The following DMTN variants were observed in gnomAD, a reference collection of about 807,000 sequenced individuals.
DMTN encodes the protein dematin actin binding protein, also known as dematin.
DMTN carries 27 observed loss-of-function variants against 59.4 expected under a neutral mutation model. That is an observed-to-expected ratio of 0.45 (90% CI 0.33 to 0.63). The LOEUF (loss-of-function observed/expected upper bound fraction) is 0.63. Among genes scored for constraint, DMTN ranks in the 20% least tolerant of loss-of-function variants. DMTN has a pLI of 0.02. For synonymous variants in DMTN, 221 were observed against 203.7 expected, an observed-to-expected ratio of 1.08 and a Z score of -0.72; for missense variants, 451 against 528.9, an observed-to-expected ratio of 0.85 and a Z score of 1.45.
chr8:22,077,923 T>C (rs4871932), intron 10 of DMTN, among the ~76,000 whole-genome samples: 18,263 of 152,186 alleles, frequency 0.12, 1,211 homozygotes, highest in Admixed American at 0.15. Context: ...GTTGAATAAA[T>C]GTGTACTTAT....
intron 8 of DMTN, among the ~76,000 whole-genome samples, chr8:22,071,709 A>T (rs1394016346): frequency 6.6e-6 from 1 of 151,900 alleles, no homozygotes; most frequent in African/African-American, 2.4e-5. Context: ...CCTCCTGAGT[A>T]GCTGGGACTA....
intron 8 of DMTN, 69 bp downstream of exon 8, chr8:22,070,403 C>T (rs772823813): frequency 6.6e-7 from 1 of 1,518,418 alleles, no homozygotes; most frequent in East Asian, 2.4e-5. Context: ...TTGGCTCTTG[C>T]TGCAGTCCGT....
upstream of DMTN, chr8:22,048,984 C>A (rs1481584380): frequency 3.4e-5 from 5 of 148,436 alleles, no homozygotes; most frequent in South Asian, 1.0e-3. This position sits in a 1 kb window ranked among gnomAD's most constrained non-coding sequence, Gnocchi z 6.9. Flanking sequence ...GCCGGGCGGC[C>A]CCTCCCTGGC....
Position 22,072,428 on chromosome 8 carries a change from G to A in DMTN, c.707G>A (p.Arg236His), listed in dbSNP as rs201094236. 6.3e-6 allele frequency: 10 copies of A among 1,575,750 alleles called. No homozygotes were observed. Among genetic ancestry groups the A allele is most frequent in the East Asian group, 4.7e-5 (2 of 42,994 alleles). Residue 236 changes from arginine (R) to histidine (H), a missense_variant, in exon 9 of 16, where the codon CGT becomes CAT. By Grantham distance (29) the Arg-to-His change is conservative. Transcript: ENST00000358242. Reference sequence around the variant, plus strand: ...GAGGAGATGAAGGCTCTCAGGGAGCGTCAGAGAGAGGAACTCAGTAAGGTA... The same window carrying A: ...GAGGAGATGAAGGCTCTCAGGGAGCATCAGAGAGAGGAACTCAGTAAGGTA... Reference protein sequence around the residue: ...SGEEMKALRERQREELSKVTS... With the variant: ...SGEEMKALREHQREELSKVTS...
chr8:22,065,525 A>ACAGAG (rs1809833986), intron 1 of DMTN, among the ~76,000 whole-genome samples: 1 of 152,142 alleles, frequency 6.6e-6, no homozygotes, highest in African/African-American at 2.4e-5. Flanking sequence ...AGAGAGGTGG[A>ACAGAG]CAGAGCAGTG....
Position 22,080,150 on chromosome 8 carries a change from C to G in DMTN, c.836-30C>G. ...GGAAGGGCTGTCAGGGCCAAAGGGA[C>G]TGAACTCAGGACCTTTTGCTGTCTT... On this transcript the variant is annotated intron_variant, in intron 10 of 15. Coordinates refer to ENST00000358242, the MANE Select transcript of DMTN (RefSeq NM_001387751.1). The G allele has an allele frequency of 2.5e-6, 4 of 1,613,854 alleles. No homozygotes were observed. The East Asian group carries it at 6.7e-5, about 27-fold the overall frequency.
rs371422792 is a variant in DMTN at position 22,080,901 on chromosome 8, C to T, written c.1023+31C>T. On this transcript the variant is annotated intron_variant, in intron 14 of 15. Coordinates refer to ENST00000358242, the MANE Select transcript of DMTN (RefSeq NM_001387751.1). ...GGGCAGGGGACACAAGCGCCTGTAGCGGGGCGGGAGGCTGGGGAGATGCCA... is the reference window on the plus strand; with the variant it reads ...GGGCAGGGGACACAAGCGCCTGTAGTGGGGCGGGAGGCTGGGGAGATGCCA... 225 of 1,540,266 alleles carry T rather than the reference C, an allele frequency of 1.5e-4. No individual in the cohort carries two copies. In the African/African-American group the frequency reaches 2.7e-3, roughly 18 times the overall value.
intron 3 of DMTN, 94 bp from the exon 4 acceptor site, chr8:22,067,433 A>G (rs11135823): frequency 1 from 1,535,757 of 1,541,992 alleles, 764,966 homozygotes; most frequent in East Asian, 1. Context: ...ATGGCGGTCC[A>G]TTTTCTTGGT....
In DMTN at chr8:22,060,753, G is replaced by GA. The variant is rs1268209078; in HGVS notation, c.-172+3618dup. Reference sequence around the variant, plus strand: ...GGGTTGTGGGCAGGAAGGGACTGGAGACAGAGCAGAGGTGAGAGGCCAGAG... The same window carrying GA: ...GGGTTGTGGGCAGGAAGGGACTGGAGAACAGAGCAGAGGTGAGAGGCCAGAG... On this transcript the variant is annotated intron_variant, in intron 1 of 15. Coordinates refer to ENST00000358242, the MANE Select transcript of DMTN (RefSeq NM_001387751.1). This position sits in a 1 kb window ranked among gnomAD's most constrained non-coding sequence, Gnocchi z 5.0. 6.6e-6 allele frequency among the ~76,000 whole-genome samples: 1 copy of GA among 152,276 alleles called. No homozygotes were observed. The highest frequency in any genetic ancestry group is 1.9e-4 in the East Asian group (1 of 5,202).
chr8:22,066,420 C>CG (rs1810663348), intron 1 of DMTN: 1 of 145,180 alleles, frequency 6.9e-6, no homozygotes, highest in Non-Finnish European at 1.5e-5. Flanking sequence ...GGCCGCAGGC[C>CG]GGGCCGGGGC....
chr8:22,063,302 ACAGTGCCCTG>A (rs1437324244), intron 1 of DMTN, among the ~76,000 whole-genome samples: 6 of 152,010 alleles, frequency 3.9e-5, no homozygotes, highest in Admixed American at 3.9e-4. Context: ...CTAGATCTTT[ACAGTGCCCTG>A]CTGAACTACT....
At chr8:22,066,997 G>A (rs551654326) in intron 2 of DMTN, 88 bp from the exon 3 acceptor site, 12 of 1,291,980 alleles carry the variant, frequency 9.3e-6, no homozygotes, top group Non-Finnish European at 1.2e-5. Context: ...GCCGCGCAGC[G>A]CCCCGGGTCC....
chr8:22,067,252 C>A (rs894034813), intron 3 of DMTN, 93 bp downstream of exon 3: 3 of 1,402,152 alleles, frequency 2.1e-6, no homozygotes, highest in Admixed American at 2.2e-5. Context: ...GCAGAGCCTC[C>A]CCAGTGGTGG....
At chr8:22,079,273 A>ATATATATATATATATATATAT (rs1554562329) in intron 10 of DMTN, among the ~76,000 whole-genome samples, 11 of 28,560 alleles carry the variant, frequency 3.9e-4, no homozygotes, top group Admixed American at 2.7e-3. Context: ...TAAATAAATA[A>ATATATATATATATATATATAT]ATAAATATAT....
intron 10 of DMTN, among the ~76,000 whole-genome samples, chr8:22,074,117 C>G (rs1351909471): frequency 1.3e-5 from 2 of 152,170 alleles, no homozygotes; most frequent in Non-Finnish European, 2.9e-5. Context: ...TAGTCTTGTC[C>G]TCTGGTAGCT....
intron 10 of DMTN, among the ~76,000 whole-genome samples, chr8:22,077,812 T>C (rs961897299): frequency 1.8e-4 from 28 of 152,148 alleles, no homozygotes; most frequent in African/African-American, 6.8e-4. Flanking sequence ...ATGGTGACAC[T>C]GGAATAGTCG....
At chr8:22,069,256 C>G (rs1415828599) in intron 5 of DMTN, 163 bp from the exon 6 acceptor site, 2 of 847,034 alleles carry the variant, frequency 2.4e-6, no homozygotes, top group African/African-American at 3.4e-5. Context: ...CTGGGCCAGG[C>G]ACCATCAGTA....
At chr8:22,069,997 C>G in intron 7 of DMTN, 60 bp downstream of exon 7, 2 of 1,606,392 alleles carry the variant, frequency 1.2e-6, no homozygotes, top group African/African-American at 1.3e-5. Flanking sequence ...AGGCCGTGCC[C>G]TGGGGCTGCG....
At position 22,080,441 on chromosome 8, in the gene DMTN, G is replaced by A; in HGVS notation, c.930G>A (p.Gly310=). Residue 310 remains glycine, a synonymous_variant, in exon 12 of 16, where the codon GGG becomes GGA. Transcript: ENST00000358242. ...AGTCCACAGAGTTCAGCCCATCAGG[G>A]AGTGAGACTGGAAGCCCAGGTGAGA... ...RLQSTEFSPS[G]SETGSPGLQN... The A allele has an allele frequency of 6.2e-7, 1 of 1,614,240 alleles. No homozygotes were observed. The highest frequency in any genetic ancestry group is 8.5e-7 in the Non-Finnish European group (1 of 1,180,052).
Sources: gnomAD v4.1 joint callset for allele counts (sites outside exome capture counted in the v4.1 genomes callset) on GRCh38, gnomAD v4.1.1 for gene constraint, Gnocchi (gnomAD v3.1) non-coding constraint, MANE v1.5 for transcripts, NCBI Gene and HGNC (gene_info 2026-07-23, HGNC 2026-07-21) for gene names.